TMEM132B: variants seen among roughly 807,000 people sequenced by gnomAD.
TMEM132B encodes transmembrane protein 132B.
A neutral mutation model predicts 90.8 loss-of-function variants in TMEM132B; 18 were observed. That is an observed-to-expected ratio of 0.20 (90% CI 0.14 to 0.29). TMEM132B has a LOEUF of 0.29. TMEM132B is among the 10% of genes least tolerant of loss of function. TMEM132B has a pLI of 1.00. For synonymous variants in TMEM132B, 504 were observed against 523.3 expected (o/e 0.96, Z 0.50); for missense variants, 1,096 against 1,326.8 (o/e 0.83, Z 2.70).
chr12:125,491,752 G>A (rs1324956569), intron 3 of TMEM132B, among the ~76,000 whole-genome samples: 1 of 152,198 alleles, frequency 6.6e-6, no homozygotes, highest in African/African-American at 2.4e-5. Flanking sequence ...TCGATGGATC[G>A]ATAGGCGTTT....
Position 125,650,935 on chromosome 12 carries a change from G to A in TMEM132B, c.1896G>A (p.Pro632=), listed in dbSNP as rs73420208. ...GCAGGACCCTGGCTGGTCGGGAGCC[G>A]GGAATAACCACGGTGCAGGTACACG... ...QDGRTLAGRE[P]GITTVQVLSP... The change falls in exon 7 of 9, where the codon CCG becomes CCA. Residue 632 remains proline (P), a synonymous_variant. Transcript: ENST00000682704. 1,730 of 1,612,480 alleles carry A rather than the reference G, an allele frequency of 1.1e-3. 18 individuals are homozygous for A. In the African/African-American group the frequency reaches 0.02, roughly 19 times the overall value.
In TMEM132B at chr12:125,200,665, G is replaced by A. The variant is rs184365847; in HGVS notation, c.67+13799G>A. ...AGATCTCTAGACATTTAAGGAAAGT[G>A]AGGGTATGATTGCGTGATGGCAGAA... On this transcript the variant is annotated intron_variant, in intron 1 of 8. Transcript: ENST00000682704. Among the ~76,000 whole-genome samples the A allele has an allele frequency of 1.6e-3, 251 of 152,346 alleles. 2 individuals carry two copies. The highest frequency in any genetic ancestry group is 2.5e-3 in the Non-Finnish European group (168 of 68,028).
chr12:125,273,282 C>G (rs969013519), intron 1 of TMEM132B, among the ~76,000 whole-genome samples: 1 of 152,080 alleles, frequency 6.6e-6, no homozygotes, highest in South Asian at 2.1e-4. Context: ...ACCCATGTAC[C>G]TACTACTTAG....
At chr12:125,276,896 C>A (rs1017369595) in intron 1 of TMEM132B, among the ~76,000 whole-genome samples, 3 of 152,174 alleles carry the variant, frequency 2.0e-5, no homozygotes, top group African/African-American at 7.2e-5. Flanking sequence ...AGGTGCAGCC[C>A]TTCCCGGCAA....
intron 4 of TMEM132B, among the ~76,000 whole-genome samples, chr12:125,539,116 G>A (rs946785676): frequency 5.3e-5 from 8 of 152,100 alleles, no homozygotes; most frequent in African/African-American, 1.9e-4. Context: ...TAAACAGATT[G>A]TATGAGTCCC....
At chr12:125,221,947 T>C (rs1873569440) in intron 1 of TMEM132B, among the ~76,000 whole-genome samples, 3 of 152,228 alleles carry the variant, frequency 2.0e-5, no homozygotes, top group Non-Finnish European at 4.4e-5. Context: ...AGATGACGCC[T>C]GCTCATGGAG....
intron 2 of TMEM132B, among the ~76,000 whole-genome samples, chr12:125,357,756 G>GT (rs1877827256): frequency 6.6e-6 from 1 of 152,200 alleles, no homozygotes; most frequent in Non-Finnish European, 1.5e-5. Flanking sequence ...TGATGGGGAT[G>GT]TTTGTCTCCC....
In TMEM132B at chr12:125,637,576, G is replaced by T. The variant is rs536279747; in HGVS notation, c.1438-6500G>T. Among the ~76,000 whole-genome samples, 22 of 152,220 alleles carry T rather than the reference G, an allele frequency of 1.4e-4. 1 individual carries two copies. The highest frequency in any genetic ancestry group is 4.1e-4 in the African/African-American group (17 of 41,512). ...AAGGTGGGACAACTGGAAGCAAAGTGGGGGGACAACTTGAAGCGGGTAGGG... is the reference window on the plus strand; with the variant it reads ...AAGGTGGGACAACTGGAAGCAAAGTTGGGGGACAACTTGAAGCGGGTAGGG... On this transcript the variant is annotated intron_variant, in intron 5 of 8. Transcript: ENST00000682704.
intron 2 of TMEM132B, among the ~76,000 whole-genome samples, chr12:125,410,492 AGGAGT>A (rs1206764335): frequency 2.2e-4 from 1 of 4,500 alleles, no homozygotes; most frequent in African/African-American, 2.2e-3. Context: ...AGTGGAGTGG[AGGAGT>A]GGAGTGGAGT....
intron 1 of TMEM132B, among the ~76,000 whole-genome samples, chr12:125,311,253 G>T (rs184441254): frequency 1.6e-4 from 24 of 152,198 alleles, no homozygotes; most frequent in Admixed American, 3.3e-4. Flanking sequence ...CCGGGTCACC[G>T]TTACAAGAGC....
intron 3 of TMEM132B, among the ~76,000 whole-genome samples, chr12:125,420,242 C>G (rs139461195): frequency 6.6e-6 from 1 of 152,256 alleles, no homozygotes; most frequent in Non-Finnish European, 1.5e-5. Context: ...TCTGTACTGC[C>G]CTAGCAGAGG....
chr12:125,310,802 G>A (rs1876105471), intron 1 of TMEM132B, among the ~76,000 whole-genome samples: 1 of 152,168 alleles, frequency 6.6e-6, no homozygotes, highest in African/African-American at 2.4e-5. Context: ...AGAGGCTTTG[G>A]GAGGGCACCT....
Position 125,652,572 on chromosome 12 carries a change from A to G in TMEM132B, c.2046A>G (p.Ala682=). The G allele has an allele frequency of 1.2e-6, 2 of 1,613,840 alleles. No homozygotes were observed. The highest frequency in any genetic ancestry group is 1.7e-6 in the Non-Finnish European group (2 of 1,179,808). The change falls in exon 8 of 9, where the codon GCA becomes GCG. Residue 682 remains alanine, a synonymous_variant. Transcript: ENST00000682704. ...CTCTCTCCCTGCAGCCACACCGAGC[A>G]GACAAAAGGGCCATCGTCTCCACAG... ...GMSLSLQPHR[A]DKRAIVSTAA... is the part of the protein sequence containing the mutation.
chr12:125,474,063 TTCCTTTCC>T (rs1881797230), intron 3 of TMEM132B, among the ~76,000 whole-genome samples: 3 of 40,308 alleles, frequency 7.4e-5, no homozygotes, highest in African/African-American at 1.5e-4. Context: ...TCTTTTTCCT[TTCCTTTCC>T]TTTCCTTTCC....
At chr12:125,551,535 G>A (rs2136760834) in intron 4 of TMEM132B, among the ~76,000 whole-genome samples, 1 of 150,584 alleles carries the variant, frequency 6.6e-6, no homozygotes, top group East Asian at 1.9e-4. Flanking sequence ...ATAATCTATT[G>A]CCTAGAGATG....
At chr12:125,427,342 GAT>G (rs1398755689) in intron 3 of TMEM132B, among the ~76,000 whole-genome samples, 5 of 152,176 alleles carry the variant, frequency 3.3e-5, no homozygotes, top group African/African-American at 1.2e-4. Context: ...CAGTGAAGAA[GAT>G]ACCACTCTTG....
At position 125,276,489 on chromosome 12, in the gene TMEM132B, C is replaced by T. The variant is rs149403828; in HGVS notation, c.68-72963C>T. Among the ~76,000 whole-genome samples the T allele has an allele frequency of 9.5e-3, 1,445 of 152,302 alleles. 35 individuals are homozygous for T. Among genetic ancestry groups the T allele is most frequent in the African/African-American group, 0.032 (1,348 of 41,552 alleles). On this transcript the variant is annotated intron_variant, in intron 1 of 8. Coordinates refer to ENST00000682704, the MANE Select transcript of TMEM132B (RefSeq NM_001366854.1). Reference sequence around the variant, plus strand: ...AATAATCATTAGATGAGATTTCTGACGAGTAGGCCATGGGCTATGCTTGAT... The same window carrying T: ...AATAATCATTAGATGAGATTTCTGATGAGTAGGCCATGGGCTATGCTTGAT...
At chr12:125,416,274 A>G (rs193105483) in intron 3 of TMEM132B, among the ~76,000 whole-genome samples, 139 of 152,186 alleles carry the variant, frequency 9.1e-4, no homozygotes, top group Non-Finnish European at 1.7e-3. Flanking sequence ...TTCCCTACAC[A>G]GTCTCATTGC....
chr12:125,535,574 A>G (rs1883774498), intron 4 of TMEM132B, among the ~76,000 whole-genome samples: 1 of 152,226 alleles, frequency 6.6e-6, no homozygotes, highest in Non-Finnish European at 1.5e-5. Context: ...TGAAGGAGGA[A>G]AGATTCTCTG....
Sources: gnomAD v4.1 joint callset for allele counts (sites outside exome capture counted in the v4.1 genomes callset) on GRCh38, gnomAD v4.1.1 for gene constraint, MANE v1.5 for transcripts, NCBI Gene and HGNC (gene_info 2026-07-23, HGNC 2026-07-21) for gene names.